PRKAB2: variants seen among roughly 807,000 people sequenced by gnomAD.
PRKAB2 encodes 5'-AMP-activated protein kinase subunit beta-2.
PRKAB2 carries 18 observed loss-of-function variants against 29.8 expected under a neutral mutation model. That is an observed-to-expected ratio of 0.60 (90% CI 0.42 to 0.89). The LOEUF is 0.89. PRKAB2 is among the 40% of genes least tolerant of loss of function. PRKAB2 has a pLI of 0.00. For missense variants in PRKAB2, 270 were observed against 344.3 expected (o/e 0.78, Z 1.71); for synonymous variants, 136 against 125.9 (o/e 1.08, Z -0.54).
Position 147,166,959 on chromosome 1 carries a change from G to A in PRKAB2, c.324-20C>T, listed in dbSNP as rs782757299. On this transcript the variant is annotated intron_variant, in intron 3 of 7. Transcript: ENST00000254101. ...TTATGGCTACAGAAGAAAAAAGAAA[G>A]GCAAACAGGCCAAGTTCCTTTTAGA... 2.1e-4 allele frequency: 327 copies of A among 1,585,174 alleles called. No individual in the cohort carries two copies. Among genetic ancestry groups the A allele is most frequent in the Non-Finnish European group, 2.7e-4 (306 of 1,154,518 alleles).
chr1:147,170,365 C>T (rs1654458974), intron 2 of PRKAB2, among the ~76,000 whole-genome samples: 1 of 152,164 alleles, frequency 6.6e-6, no homozygotes, highest in Non-Finnish European at 1.5e-5. Flanking sequence ...ACACCAATTA[C>T]TGCAGTCACA....
At position 147,159,508 on chromosome 1, in the gene PRKAB2, T is replaced by C. The variant is rs954724333; in HGVS notation, c.*57A>G. Reference sequence around the variant, plus strand: ...CCAGTCTCAGGTAAGACTGGTTCAGTCCAGAAATGCAAGGGAGATGCTTCT... The same window carrying C: ...CCAGTCTCAGGTAAGACTGGTTCAGCCCAGAAATGCAAGGGAGATGCTTCT... On this transcript the variant is annotated 3_prime_UTR_variant, in exon 8 of 8. Transcript: ENST00000254101. The C allele has an allele frequency of 5.3e-6, 8 of 1,509,046 alleles. No individual in the cohort carries two copies. The highest frequency in any genetic ancestry group is 2.8e-5 in the African/African-American group (2 of 72,608). 93.5% of individuals were successfully genotyped at this position (1,509,046 alleles called of 1,614,324 possible). A position where few individuals can be genotyped will look rare whatever the true frequency, so the allele number is the denominator to read the frequency against.
At chr1:147,166,413 C>T in intron 5 of PRKAB2, 85 bp downstream of exon 5, 1 of 1,410,106 alleles carries the variant, frequency 7.1e-7, no homozygotes, top group Non-Finnish European at 9.7e-7. Context: ...CTCTCTCCCT[C>T]TATATGTATA....
At chr1:147,165,568 T>G (rs587701364) in intron 5 of PRKAB2, among the ~76,000 whole-genome samples, 12 of 152,290 alleles carry the variant, frequency 7.9e-5, no homozygotes, top group Admixed American at 2.6e-4. Flanking sequence ...CTGTGCACAA[T>G]TCTTTAGATA....
rs1225810014 is a variant in PRKAB2 at position 147,158,147 on chromosome 1, G to A, written c.*1418C>T. On this transcript the variant is annotated 3_prime_UTR_variant, in exon 8 of 8. Transcript: ENST00000254101. Reference sequence around the variant, plus strand: ...GAGCCCCAGCTACTTGGGAAAAAATGTTTTATCTCTGAACCCCAAAAGTGG... The same window carrying A: ...GAGCCCCAGCTACTTGGGAAAAAATATTTTATCTCTGAACCCCAAAAGTGG... The A allele has an allele frequency of 1.3e-5, 2 of 152,052 alleles. No homozygotes were observed. The highest frequency in any genetic ancestry group is 2.9e-5 in the Non-Finnish European group (2 of 67,996). 9.4% of individuals were successfully genotyped at this position (152,052 alleles called of 1,614,324 possible).
intron 5 of PRKAB2, among the ~76,000 whole-genome samples, chr1:147,164,626 T>C (rs1654144220): frequency 6.6e-6 from 1 of 152,226 alleles, no homozygotes; most frequent in Non-Finnish European, 1.5e-5. Flanking sequence ...GTGCACAGAA[T>C]AGTTTTTATT....
At chr1:147,162,177 C>T (rs587661940) in intron 6 of PRKAB2, among the ~76,000 whole-genome samples, 1 of 152,272 alleles carries the variant, frequency 6.6e-6, no homozygotes, top group African/African-American at 2.4e-5. Context: ...ATGATAACTA[C>T]TCCTTTATGT....
intron 1 of PRKAB2, 69 bp from the exon 2 acceptor site, chr1:147,172,236 C>T: frequency 2.1e-6 from 3 of 1,433,590 alleles, no homozygotes; most frequent in South Asian, 1.4e-5. Context: ...CCCGGCCCCG[C>T]CCCTGCGCCT....
intron 3 of PRKAB2, among the ~76,000 whole-genome samples, chr1:147,167,174 A>G (rs1264922699): frequency 6.6e-6 from 1 of 152,218 alleles, no homozygotes. Context: ...GAAAAGAATA[A>G]TAAAAACATT....
At position 147,162,531 on chromosome 1, in the gene PRKAB2, T is replaced by C. The variant is rs1553913197; in HGVS notation, c.581A>G (p.Tyr194Cys). 1 of 1,612,396 alleles carries C rather than the reference T, an allele frequency of 6.2e-7. No individual in the cohort carries two copies. The highest frequency in any genetic ancestry group is 1.1e-5 in the South Asian group (1 of 90,990). Reference sequence around the variant, plus strand: ...GAATCTTTCCTCAGATCGAAACGCATACATTTCTTGACCATAAGGCCCTGG... The same window carrying C: ...GAATCTTTCCTCAGATCGAAACGCACACATTTCTTGACCATAAGGCCCTGG... ...SPPGPYGQEM[Y>C]AFRSEERFKS... Residue 194 changes from tyrosine (Y) to cysteine (C), a missense_variant, in exon 6 of 8, where the codon TAT (tyrosine) becomes TGT (cysteine). Physicochemically the swap from Tyr to Cys is radical, Grantham distance 194. Around this residue, in one of 2 missense-constraint regions of PRKAB2, gnomAD observed 228 missense variants for 255.5 expected, o/e 0.89. Transcript: ENST00000254101.
chr1:147,169,818 G>C (rs587691359), intron 2 of PRKAB2, among the ~76,000 whole-genome samples: 2 of 152,268 alleles, frequency 1.3e-5, no homozygotes, highest in African/African-American at 4.8e-5. Flanking sequence ...ACTATTTAAA[G>C]AAATCTGAGG....
At chr1:147,171,389 G>C (rs1169720594) in intron 2 of PRKAB2, among the ~76,000 whole-genome samples, 1 of 152,142 alleles carries the variant, frequency 6.6e-6, no homozygotes, top group Non-Finnish European at 1.5e-5. Context: ...TAAAGTATGG[G>C]ACAAAAATTA....
At chr1:147,165,635 C>G (rs1208350295) in intron 5 of PRKAB2, among the ~76,000 whole-genome samples, 1 of 152,054 alleles carries the variant, frequency 6.6e-6, no homozygotes, top group Non-Finnish European at 1.5e-5. Flanking sequence ...AAAATATTCT[C>G]TGATACTATA....
chr1:147,171,754 G>T (rs920424922), intron 2 of PRKAB2, among the ~76,000 whole-genome samples: 5 of 152,168 alleles, frequency 3.3e-5, no homozygotes, highest in Admixed American at 1.3e-4. Context: ...TCCTAAAAAT[G>T]TGGCCAACAG....
chr1:147,168,061 CT>C (rs1232057138), intron 2 of PRKAB2, 128 bp from the exon 3 acceptor site: 17 of 996,376 alleles, frequency 1.7e-5, no homozygotes, highest in Non-Finnish European at 7.1e-6. Context: ...AAATTAGCAA[CT>C]AAATCAGAGT....
At chr1:147,159,825 A>G (rs1232934835) in intron 7 of PRKAB2, among the ~76,000 whole-genome samples, 183 bp from the exon 8 acceptor site, 1 of 152,146 alleles carries the variant, frequency 6.6e-6, no homozygotes, top group Non-Finnish European at 1.5e-5. Context: ...GGCCTTGGGT[A>G]ATCTACTTAG....
rs1029824131 is a variant in PRKAB2, at chr1:147,158,325, C to T, written c.*1240G>A. The T allele has an allele frequency of 3.3e-5, 5 of 152,116 alleles. No individual in the cohort carries two copies. The highest frequency in any genetic ancestry group is 7.4e-5 in the Non-Finnish European group (5 of 67,996). 9.4% of individuals were successfully genotyped at this position (152,116 alleles called of 1,614,324 possible). A position where few individuals can be genotyped will look rare whatever the true frequency, so the allele number is the denominator to read the frequency against. On this transcript the variant is annotated 3_prime_UTR_variant, in exon 8 of 8. Transcript: ENST00000254101. ...TGGTTGGGAATACTAGGAATACTCT[C>T]TTGCTTCTTGGCCTAACAAATCTTT...
chr1:147,167,009 C>T (rs587750117), intron 3 of PRKAB2, 70 bp from the exon 4 acceptor site: 2 of 1,257,028 alleles, frequency 1.6e-6, no homozygotes, highest in South Asian at 1.3e-5. Context: ...AAACAAGTGG[C>T]AATCATAGTA....
At chr1:147,169,550 G>T (rs1334737069) in intron 2 of PRKAB2, among the ~76,000 whole-genome samples, 1 of 152,110 alleles carries the variant, frequency 6.6e-6, no homozygotes, top group Non-Finnish European at 1.5e-5. Context: ...AAGCTTCCCA[G>T]ATATACCGTG....
Sources: gnomAD v4.1 joint callset for allele counts (sites outside exome capture counted in the v4.1 genomes callset) on GRCh38, gnomAD v4.1.1 for gene constraint, gnomAD v4.1.1 regional missense constraint, MANE v1.5 for transcripts, NCBI Gene and HGNC (gene_info 2026-07-23, HGNC 2026-07-21) for gene names.